The following LRRC4C variants were observed in gnomAD, a reference collection of about 807,000 sequenced individuals.
LRRC4C encodes the protein leucine-rich repeat-containing protein 4C.
LRRC4C carries 5 observed loss-of-function variants against 33.6 expected under a neutral mutation model. The observed-to-expected ratio is 0.15, with a 90% CI of 0.08 to 0.31. The LOEUF (loss-of-function observed/expected upper bound fraction) is 0.31. Among genes scored for constraint, LRRC4C ranks in the 10% least tolerant of loss-of-function variants. The pLI, the probability that LRRC4C is intolerant of heterozygous loss-of-function variation, is 1.00. For missense variants in LRRC4C, 560 were observed against 796.7 expected (o/e 0.70, Z 3.58); for synonymous variants, 329 against 302.0 (o/e 1.09, Z -0.93).
At chr11:40,355,447 C>A (rs750982481) in intron 3 of LRRC4C, among the ~76,000 whole-genome samples, 19 of 152,104 alleles carry the variant, frequency 1.2e-4, no homozygotes, top group Admixed American at 3.3e-4. Flanking sequence ...TATTTAGGAA[C>A]CCAGAGTGCT....
intron 2 of LRRC4C, among the ~76,000 whole-genome samples, chr11:40,680,193 A>T (rs114061850): frequency 6.6e-6 from 1 of 152,160 alleles, no homozygotes; most frequent in Non-Finnish European, 1.5e-5. Context: ...TCCCATTTGC[A>T]ATGGCTGTAT....
At chr11:40,857,272 G>A (rs1953835770) in intron 2 of LRRC4C, among the ~76,000 whole-genome samples, 1 of 152,074 alleles carries the variant, frequency 6.6e-6, no homozygotes, top group South Asian at 2.1e-4. Context: ...ATGTGCCATG[G>A]TGGTTTGCTG....
chr11:41,024,119 G>A (rs989649194), intron 1 of LRRC4C, among the ~76,000 whole-genome samples: 2 of 151,580 alleles, frequency 1.3e-5, no homozygotes, highest in East Asian at 3.9e-4. Flanking sequence ...AAGCCAAACG[G>A]CATCCAAGTT....
chr11:40,858,648 C>T (rs551026725), intron 2 of LRRC4C, among the ~76,000 whole-genome samples: 3 of 135,928 alleles, frequency 2.2e-5, no homozygotes, highest in African/African-American at 5.7e-5. Flanking sequence ...GAGCCAAGAT[C>T]GTGACACTGC....
chr11:41,352,310 A>T (rs1320803677), intron 1 of LRRC4C, among the ~76,000 whole-genome samples: 1 of 152,194 alleles, frequency 6.6e-6, no homozygotes, highest in Non-Finnish European at 1.5e-5. Context: ...ATTCAACAAG[A>T]AGACCTAACT....
intron 2 of LRRC4C, among the ~76,000 whole-genome samples, chr11:40,836,612 G>C (rs938437107): frequency 1.3e-5 from 2 of 152,074 alleles, no homozygotes; most frequent in Non-Finnish European, 2.9e-5. Context: ...AAGGAGAAAA[G>C]TCCTGTGTCC....
At chr11:40,990,896 C>T (rs1853498161) in intron 1 of LRRC4C, among the ~76,000 whole-genome samples, 1 of 150,920 alleles carries the variant, frequency 6.6e-6, no homozygotes, top group Non-Finnish European at 1.5e-5. Context: ...TTTTTTTATA[C>T]AAGGAAGTAC....
At chr11:40,392,906 G>C (rs139259724) in intron 3 of LRRC4C, among the ~76,000 whole-genome samples, 14 of 151,958 alleles carry the variant, frequency 9.2e-5, no homozygotes, top group African/African-American at 3.4e-4. Context: ...TTTCTTGGTG[G>C]GATAAAGAAC....
rs756203288 is a variant in LRRC4C at position 41,188,987 on chromosome 11, C to T, written c.-495-255264G>A. Among the ~76,000 whole-genome samples the T allele has an allele frequency of 2.6e-4, 39 of 147,820 alleles. No individual in the cohort carries two copies. In the Middle Eastern group the frequency reaches 0.01, roughly 39 times the overall value. ...CTTATTAAATAAAAATTATAACCCA[C>T]GATCAAGCCAAACAGAACCACAGAA... On this transcript the variant is annotated intron_variant, in intron 1 of 6. Transcript: ENST00000528697.
intron 2 of LRRC4C, among the ~76,000 whole-genome samples, chr11:40,654,569 T>C (rs770743033): frequency 1.3e-5 from 2 of 152,210 alleles, no homozygotes; most frequent in Non-Finnish European, 2.9e-5. Context: ...TGGACTCCCA[T>C]TGTATCTAGG....
chr11:40,267,745 G>T (rs966081848), intron 4 of LRRC4C, among the ~76,000 whole-genome samples: 1 of 152,174 alleles, frequency 6.6e-6, no homozygotes, highest in African/African-American at 2.4e-5. Context: ...GTATGTTCAA[G>T]TCTGAATTTT....
intron 3 of LRRC4C, among the ~76,000 whole-genome samples, chr11:40,548,232 G>T (rs1473853212): frequency 1.3e-5 from 2 of 152,070 alleles, no homozygotes; most frequent in Admixed American, 1.3e-4. Flanking sequence ...CCCAAAAAAT[G>T]TATGTTGGTA....
chr11:40,352,920 G>A (rs1349325978), intron 3 of LRRC4C, among the ~76,000 whole-genome samples: 1 of 152,114 alleles, frequency 6.6e-6, no homozygotes, highest in African/African-American at 2.4e-5. Flanking sequence ...GACCTGTAAG[G>A]TTTCCACTGA....
intron 5 of LRRC4C, among the ~76,000 whole-genome samples, chr11:40,154,817 C>G (rs564965292): frequency 3.5e-4 from 54 of 152,206 alleles, no homozygotes; most frequent in Admixed American, 3.0e-3. Context: ...AGTCAACAAA[C>G]AAACAATGGA....
At chr11:40,119,410 A>G (rs1449477651) in intron 6 of LRRC4C, among the ~76,000 whole-genome samples, 1 of 151,784 alleles carries the variant, frequency 6.6e-6, no homozygotes, top group African/African-American at 2.4e-5. Context: ...CCTTCCTTGG[A>G]GCTGTTGCAG....
At chr11:41,137,934 G>A (rs1943335803) in intron 1 of LRRC4C, among the ~76,000 whole-genome samples, 1 of 152,200 alleles carries the variant, frequency 6.6e-6, no homozygotes, top group South Asian at 2.1e-4. Context: ...AGGGCTAGAT[G>A]ATATACTAGT....
chr11:40,268,556 G>C (rs2136318295), intron 4 of LRRC4C, among the ~76,000 whole-genome samples: 1 of 151,876 alleles, frequency 6.6e-6, no homozygotes. Context: ...AAGATGGAGA[G>C]ATATTAAAGA....
rs183973460 is a variant in LRRC4C, at chr11:40,211,195, C to T, written c.-96+30324G>A. Among the ~76,000 whole-genome samples, 67 of 152,264 alleles carry T rather than the reference C, an allele frequency of 4.4e-4. No individual in the cohort carries two copies. The Middle Eastern group carries it at 0.014, about 31-fold the overall frequency. On this transcript the variant is annotated intron_variant, in intron 5 of 6. Transcript: ENST00000528697. ...TATTATAGATTTCATTGTATCTTTC[C>T]CCATCAATATGTAAGTCCCATATTA...
chr11:40,620,781 T>C lies in LRRC4C; in HGVS notation c.-270+27361A>G, dbSNP rs1565567873. On this transcript the variant is annotated intron_variant, in intron 3 of 6. Coordinates refer to ENST00000528697, the MANE Select transcript of LRRC4C (RefSeq NM_001258419.2). ...TAGCGAACATCTTTGCAGTCACTAA[T>C]GTTTGCATGTAAGAATCCTAACGCT... Among the ~76,000 whole-genome samples the C allele has an allele frequency of 2.0e-5, 3 of 151,870 alleles. No individual in the cohort carries two copies. In the South Asian group the frequency reaches 6.2e-4, roughly 31 times the overall value.
Sources: gnomAD v4.1 joint callset for allele counts (sites outside exome capture counted in the v4.1 genomes callset) on GRCh38, gnomAD v4.1.1 for gene constraint, MANE v1.5 for transcripts, NCBI Gene and HGNC (gene_info 2026-07-23, HGNC 2026-07-21) for gene names.